CNTNAP2: variants seen among roughly 807,000 people sequenced by gnomAD.
CNTNAP2 encodes contactin-associated protein-like 2.
CNTNAP2 carries 98 observed loss-of-function variants against 155.2 expected under a neutral mutation model. That is an observed-to-expected ratio of 0.63 (90% CI 0.54 to 0.75). The LOEUF is 0.75. Ranked by LOEUF, CNTNAP2 falls within the 30% of genes least tolerant of loss-of-function variation. The probability of loss-of-function intolerance (pLI) is 0.00; values close to 1 mark genes in which losing one functional copy is unlikely to be tolerated. For synonymous variants in CNTNAP2, 651 were observed against 631.2 expected, an observed-to-expected ratio of 1.03 and a Z score of -0.47; for missense variants, 1,727 against 1,688.1, an observed-to-expected ratio of 1.02 and a Z score of -0.40.
chr7:148,308,849 A>G (rs899820376), intron 21 of CNTNAP2, among the ~76,000 whole-genome samples: 1 of 149,820 alleles, frequency 6.7e-6, no homozygotes, highest in Non-Finnish European at 1.5e-5. Context: ...TTCTTGGGTT[A>G]GTTTGCTGAG....
intron 13 of CNTNAP2, among the ~76,000 whole-genome samples, chr7:147,711,128 A>G (rs1222223212): frequency 1.3e-5 from 2 of 152,212 alleles, no homozygotes; most frequent in Non-Finnish European, 2.9e-5. Context: ...TGATCTTGGT[A>G]GCCTTACTTT....
rs34062629 is a variant in CNTNAP2 at position 146,984,367 on chromosome 7, C to CAAAA, written c.403-59523_403-59520dup. On this transcript the variant is annotated intron_variant, in intron 3 of 23. Transcript: ENST00000361727. ...GGGCAACAAGAGCAAAACCCCATCT[C>CAAAA]AAAAAAAAAAAAAAAAAAAAGATTT... Among the ~76,000 whole-genome samples the CAAAA allele has an allele frequency of 3.2e-5, 3 of 94,074 alleles. No homozygotes were observed. The Admixed American group carries it at 3.5e-4, about 11-fold the overall frequency. 61.7% of individuals were successfully genotyped at this position (94,074 alleles called of 152,430 possible).
chr7:146,319,052 G>T (rs1156553074), intron 1 of CNTNAP2, among the ~76,000 whole-genome samples: 3 of 151,914 alleles, frequency 2.0e-5, no homozygotes, highest in Non-Finnish European at 4.4e-5. Context: ...ATGTCTTAGG[G>T]GTGGGATTTG....
At chr7:147,858,850 C>T (rs1188476294) in intron 13 of CNTNAP2, among the ~76,000 whole-genome samples, 1 of 152,142 alleles carries the variant, frequency 6.6e-6, no homozygotes, top group East Asian at 1.9e-4. Flanking sequence ...GAGAGCACAG[C>T]CCTGCTGGCA....
At chr7:147,281,853 T>C (rs1162851440) in intron 8 of CNTNAP2, among the ~76,000 whole-genome samples, 1 of 151,860 alleles carries the variant, frequency 6.6e-6, no homozygotes, top group Non-Finnish European at 1.5e-5. Context: ...TGGTTTTCAC[T>C]GAATTGATCT....
chr7:147,409,884 T>C (rs1254128859), intron 10 of CNTNAP2, among the ~76,000 whole-genome samples: 3 of 151,880 alleles, frequency 2.0e-5, no homozygotes, highest in Admixed American at 6.6e-5. Flanking sequence ...ATGGCTATTA[T>C]TAAAACGTCA....
chr7:146,260,189 G>T (rs938760469), intron 1 of CNTNAP2, among the ~76,000 whole-genome samples: 1 of 152,204 alleles, frequency 6.6e-6, no homozygotes, highest in African/African-American at 2.4e-5. Flanking sequence ...CCTCCACCTA[G>T]ATTTCAGAGG....
intron 5 of CNTNAP2, among the ~76,000 whole-genome samples, chr7:147,115,616 A>T (rs1387941259): frequency 1.3e-5 from 2 of 152,068 alleles, no homozygotes; most frequent in African/African-American, 4.8e-5. Flanking sequence ...GCCTGCTATT[A>T]ATACTTGTGA....
At chr7:146,442,972 C>T (rs1796341867) in intron 1 of CNTNAP2, among the ~76,000 whole-genome samples, 1 of 151,758 alleles carries the variant, frequency 6.6e-6, no homozygotes, top group South Asian at 2.1e-4. Context: ...TTTGGGAGGC[C>T]GAGGCGGGCA....
chr7:147,288,718 C>T (rs1805237099), intron 8 of CNTNAP2, among the ~76,000 whole-genome samples: 1 of 152,132 alleles, frequency 6.6e-6, no homozygotes, highest in African/African-American at 2.4e-5. Context: ...CTCTGTTATA[C>T]TTTTTTGGGT....
At chr7:146,457,504 A>T (rs1430372676) in intron 1 of CNTNAP2, among the ~76,000 whole-genome samples, 1 of 9,876 alleles carries the variant, frequency 1.0e-4, no homozygotes, top group African/African-American at 3.0e-4. Flanking sequence ...ATATATATAT[A>T]TATATATATA....
chr7:146,839,854 A>G lies in CNTNAP2; in HGVS notation c.352A>G (p.Ser118Gly). ...DWVTQYRMLY[S>G]DTGRNWKPYH... Reference sequence around the variant, plus strand: ...GGTGACCCAATACCGGATGCTCTACAGCGACACAGGGAGAAACTGGAAACC... The same window carrying G: ...GGTGACCCAATACCGGATGCTCTACGGCGACACAGGGAGAAACTGGAAACC... Residue 118 changes from serine to glycine, a missense_variant, in exon 3 of 24, where the codon AGC becomes GGC. Physicochemically the swap from Ser to Gly is moderately conservative, Grantham distance 56 (BLOSUM62 0). Transcript: ENST00000361727. 14 of 1,614,202 alleles carry G rather than the reference A, an allele frequency of 8.7e-6. No homozygotes were observed. The highest frequency in any genetic ancestry group is 1.2e-5 in the Non-Finnish European group (14 of 1,180,032).
intron 1 of CNTNAP2, among the ~76,000 whole-genome samples, chr7:146,574,677 G>C (rs1393701524): frequency 6.6e-6 from 1 of 152,180 alleles, no homozygotes; most frequent in Non-Finnish European, 1.5e-5. Flanking sequence ...CTCCAGCCTG[G>C]TGACAGAGCG....
chr7:147,979,693 G>A (rs1037907042), intron 15 of CNTNAP2, among the ~76,000 whole-genome samples: 4 of 152,090 alleles, frequency 2.6e-5, no homozygotes, highest in Non-Finnish European at 4.4e-5. Flanking sequence ...TACGATCTCA[G>A]CTCACTGCAA....
intron 1 of CNTNAP2, among the ~76,000 whole-genome samples, chr7:146,756,162 AC>A (rs768971523): frequency 2.0e-5 from 3 of 152,002 alleles, no homozygotes; most frequent in Non-Finnish European, 4.4e-5. Context: ...AATTTTGACT[AC>A]CTACAAAATT....
intron 22 of CNTNAP2, among the ~76,000 whole-genome samples, chr7:148,406,887 C>A (rs1799714223): frequency 6.6e-6 from 1 of 152,182 alleles, no homozygotes; most frequent in African/African-American, 2.4e-5. Context: ...CACATCCATG[C>A]TTCAGTATAT....
intron 11 of CNTNAP2, among the ~76,000 whole-genome samples, chr7:147,549,969 A>T (rs1799819168): frequency 6.6e-6 from 1 of 152,156 alleles, no homozygotes; most frequent in South Asian, 2.1e-4. Context: ...TTTGATAAAA[A>T]TTTTTCTTTT....
intron 13 of CNTNAP2, among the ~76,000 whole-genome samples, chr7:147,852,405 G>A (rs896183577): frequency 1.3e-5 from 2 of 152,134 alleles, no homozygotes; most frequent in Non-Finnish European, 2.9e-5. Flanking sequence ...ATCTACGAGT[G>A]ACTTAGCAAC....
At chr7:146,274,236 G>A (rs1337562939) in intron 1 of CNTNAP2, among the ~76,000 whole-genome samples, 1 of 152,156 alleles carries the variant, frequency 6.6e-6, no homozygotes, top group African/African-American at 2.4e-5. Flanking sequence ...TGCCAGCCAT[G>A]GGCAGGGCAG....
Sources: allele counts gnomAD v4.1 joint callset (sites outside exome capture counted in the v4.1 genomes callset), GRCh38; gene constraint gnomAD v4.1.1; transcripts MANE v1.5; gene names NCBI Gene and HGNC (gene_info 2026-07-23, HGNC 2026-07-21).